The following DMD variants were observed in gnomAD, a reference collection of about 807,000 sequenced individuals.
DMD encodes mutant dystrophin.
Under a neutral mutation model 330.1 loss-of-function variants are expected in DMD, and 63 were observed. The observed-to-expected ratio is 0.19, with a 90% CI of 0.16 to 0.24. DMD has a LOEUF of 0.24. DMD is among the 10% of genes least tolerant of loss of function. DMD has a pLI of 1.00. For missense variants in DMD, 3,344 were observed against 2,684.1 expected, an observed-to-expected ratio of 1.25 and a Z score of -5.43; for synonymous variants, 1,223 against 959.8, an observed-to-expected ratio of 1.27 and a Z score of -5.07.
At chrX:31,483,451 C>G (rs1408673126) in intron 57 of DMD, among the ~76,000 whole-genome samples, 1 of 112,222 alleles carries the variant, frequency 8.9e-6, no homozygotes. Flanking sequence ...TAAAACTGGA[C>G]AGTAAATAAT....
At position 32,534,753 on chromosome X, in the gene DMD, G is replaced by A. The variant is rs149161153; in HGVS notation, c.2168+10406C>T. Among the ~76,000 whole-genome samples the A allele has an allele frequency of 4.2e-4, 47 of 111,038 alleles. 2 individuals are homozygous for A. The East Asian group carries it at 0.012, about 29-fold the overall frequency. On this transcript the variant is annotated intron_variant, in intron 17 of 78. Coordinates refer to ENST00000357033, the MANE Select transcript of DMD (RefSeq NM_004006.3). ...CTCCTCAGAAGAGCCCTATCTTCAT[G>A]ACCTCATCTAAATCAAATTATCTTC...
At chrX:32,954,708 A>C (rs751822725) in intron 2 of DMD, among the ~76,000 whole-genome samples, 1 of 110,164 alleles carries the variant, frequency 9.1e-6, no homozygotes, top group Admixed American at 9.7e-5. Flanking sequence ...CCACCCTCCA[A>C]CAGGTCCCAA....
At chrX:32,493,322 G>A (rs911118857) in intron 19 of DMD, among the ~76,000 whole-genome samples, 1 of 111,637 alleles carries the variant, frequency 9.0e-6, no homozygotes, top group Non-Finnish European at 1.9e-5. Flanking sequence ...TGGCGGTGAA[G>A]GAGACAAACT....
chrX:31,903,931 A>T (rs1203524624), intron 47 of DMD, among the ~76,000 whole-genome samples: 1 of 111,959 alleles, frequency 8.9e-6, no homozygotes, highest in Non-Finnish European at 1.9e-5. Context: ...TTGAAAAAAT[A>T]ATAGGAATTT....
Position 32,763,641 on chromosome X carries a change from C to G in DMD, c.649+45852G>C, listed in dbSNP as rs2072605875. Among the ~76,000 whole-genome samples the G allele has an allele frequency of 3.6e-5, 4 of 112,022 alleles. No individual in the cohort carries two copies. In the South Asian group the frequency reaches 1.5e-3, roughly 41 times the overall value. ...AATTTTCACAATCACATTAATGACT[C>G]TAGTTCAAAGCACAGTAATGGTCTA... On this transcript the variant is annotated intron_variant, in intron 7 of 78. Coordinates refer to ENST00000357033, the MANE Select transcript of DMD (RefSeq NM_004006.3).
chrX:31,561,159 G>A (rs890495043), intron 55 of DMD, among the ~76,000 whole-genome samples: 27 of 111,916 alleles, frequency 2.4e-4, no homozygotes, highest in Non-Finnish European at 9.4e-5. Context: ...TGAAAAAAGG[G>A]ATCAAAGTTC....
intron 62 of DMD, among the ~76,000 whole-genome samples, chrX:31,321,000 C>G (rs778143609): frequency 9.0e-6 from 1 of 111,072 alleles, no homozygotes; most frequent in East Asian, 2.8e-4. Flanking sequence ...AAATTATATA[C>G]CAAGATTTGA....
chrX:31,576,296 T>G (rs971777408), intron 55 of DMD, among the ~76,000 whole-genome samples: 1 of 112,182 alleles, frequency 8.9e-6, no homozygotes, highest in African/African-American at 3.2e-5. Context: ...GTATGTTTTA[T>G]AGCGGTTTTA....
chrX:32,356,866 A>G (rs758138613), intron 37 of DMD, among the ~76,000 whole-genome samples: 21 of 111,787 alleles, frequency 1.9e-4, no homozygotes, highest in Non-Finnish European at 3.0e-4. Flanking sequence ...ATATAACTTG[A>G]TGCATATTTT....
intron 63 of DMD, among the ~76,000 whole-genome samples, chrX:31,234,102 GC>G (rs1319627131): frequency 8.9e-6 from 1 of 111,897 alleles, no homozygotes. Context: ...TTTTCAGGTT[GC>G]CCCAGTTCCC....
intron 7 of DMD, among the ~76,000 whole-genome samples, chrX:32,780,481 T>C (rs2074612992): frequency 8.9e-6 from 1 of 112,165 alleles, no homozygotes; most frequent in Non-Finnish European, 1.9e-5. Flanking sequence ...GGTATATGTT[T>C]TAGCATAGTT....
intron 2 of DMD, among the ~76,000 whole-genome samples, chrX:32,995,579 G>A (rs1216018047): frequency 3.6e-5 from 4 of 111,921 alleles, no homozygotes; most frequent in Non-Finnish European, 5.6e-5. Flanking sequence ...ACTAGAAATC[G>A]TTGCTGAGGA....
At position 32,565,795 on chromosome X, in the gene DMD, A is replaced by G. The variant is rs753683083; in HGVS notation, c.1899T>C (p.Asn633=). 2 of 1,209,662 alleles carry G rather than the reference A, an allele frequency of 1.7e-6. No individual in the cohort carries two copies. Among genetic ancestry groups the G allele is most frequent in the East Asian group, 3.0e-5 (1 of 33,766 alleles). ...CTTCCGTCTTCTGGGTCACTGACTTATTCTTCAGTGTTGAAAGAAGATCTT... is the reference window on the plus strand; with the variant it reads ...CTTCCGTCTTCTGGGTCACTGACTTGTTCTTCAGTGTTGAAAGAAGATCTT... The part of the protein sequence containing the change: ...LKQDLLSTLK[N]KSVTQKTEAW... The change falls in exon 16 of 79, where the codon AAT becomes AAC. Residue 633 remains asparagine (N), a synonymous_variant. Transcript: ENST00000357033.
intron 9 of DMD, among the ~76,000 whole-genome samples, chrX:32,688,750 C>A (rs1039496982): frequency 1.5e-4 from 17 of 111,735 alleles, no homozygotes; most frequent in African/African-American, 5.2e-4. Context: ...AATATCTTAG[C>A]TATGGAATAT....
intron 1 of DMD, chrX:33,041,268 CCTT>C (rs2094294434): frequency 1.6e-6 from 1 of 613,026 alleles, no homozygotes; most frequent in Non-Finnish European, 2.6e-6. Context: ...TATAAAAACT[CCTT>C]AAGTGGCCGC....
chrX:32,895,380 A>G (rs918685315), intron 2 of DMD, among the ~76,000 whole-genome samples: 1 of 112,522 alleles, frequency 8.9e-6, no homozygotes, highest in African/African-American at 3.2e-5. Context: ...AATACTTTAT[A>G]CTTCTGGTTC....
At chrX:32,557,662 T>C (rs2050459900) in intron 16 of DMD, among the ~76,000 whole-genome samples, 1 of 111,838 alleles carries the variant, frequency 8.9e-6, no homozygotes, top group African/African-American at 3.2e-5. Context: ...TCCACAGGCA[T>C]GGTAGCACAA....
chrX:32,527,054 A>G (rs990557340), intron 17 of DMD, among the ~76,000 whole-genome samples: 2 of 112,027 alleles, frequency 1.8e-5, no homozygotes, highest in African/African-American at 6.5e-5. Context: ...GCCATTTTAC[A>G]TATTTAAACA....
intron 60 of DMD, among the ~76,000 whole-genome samples, chrX:31,440,693 T>C (rs750429041): frequency 3.2e-4 from 36 of 112,111 alleles, no homozygotes; most frequent in Non-Finnish European, 6.0e-4. Flanking sequence ...AGAATGCACA[T>C]GAGGACTTTT....
Sources: allele counts gnomAD v4.1 joint callset (sites outside exome capture counted in the v4.1 genomes callset), GRCh38; gene constraint gnomAD v4.1.1; transcripts MANE v1.5; gene names NCBI Gene and HGNC (gene_info 2026-07-23, HGNC 2026-07-21).